Variants in ULK4 observed in about 807,000 individuals in gnomAD.
The protein encoded by ULK4 is inactive serine/threonine-protein kinase ULK4.
ULK4 carries 133 observed loss-of-function variants against 160.6 expected under a neutral mutation model. The ratio of observed to expected loss-of-function variants is 0.83; its 90% confidence interval spans 0.72 to 0.96. The LOEUF (loss-of-function observed/expected upper bound fraction) is 0.96, where lower values mean the gene tolerates loss of function less well. Ranked by LOEUF, ULK4 falls within the 40% of genes least tolerant of loss-of-function variation. The pLI is 0.00. For missense variants in ULK4, 1,580 were observed against 1,499.5 expected, an observed-to-expected ratio of 1.05 and a Z score of -0.89; for synonymous variants, 534 against 539.8, an observed-to-expected ratio of 0.99 and a Z score of 0.15.
intron 2 of ULK4, among the ~76,000 whole-genome samples, chr3:41,952,981 T>C (rs56983571): frequency 0.12 from 18,998 of 152,010 alleles, 1,372 homozygotes; most frequent in Middle Eastern, 0.27. Context: ...ATACCATTTA[T>C]ATAGAGTAGT....
intron 32 of ULK4, among the ~76,000 whole-genome samples, chr3:41,562,562 A>G (rs1271087985): frequency 1.3e-5 from 2 of 152,170 alleles, no homozygotes; most frequent in Admixed American, 1.3e-4. Flanking sequence ...AGGTGCATAT[A>G]TATTTAGGAT....
At chr3:41,700,022 A>C (rs9850380) in intron 27 of ULK4, among the ~76,000 whole-genome samples, 1 of 151,852 alleles carries the variant, frequency 6.6e-6, no homozygotes, top group South Asian at 2.1e-4. Context: ...ACAAGTAACG[A>C]CCCAGCAAGT....
chr3:41,463,248 C>A lies in ULK4; in HGVS notation c.3232G>T (p.Val1078Phe), dbSNP rs1023566446. The A allele has an allele frequency of 1.9e-6, 3 of 1,612,010 alleles. No individual in the cohort carries two copies. Among genetic ancestry groups the A allele is most frequent in the Non-Finnish European group, 2.5e-6 (3 of 1,178,664 alleles). ...GTGAGCAGGTTACAGATGTGACTGA[C>A]AAGTCCTGAGGGTAAAAAAGGAAAA... The part of the protein sequence containing the change: ...NMELLYEQGL[V>F]SHICNLLTET... The change falls in exon 33 of 37, where the codon GTC (valine) becomes TTC (phenylalanine). Residue 1078 changes from valine to phenylalanine, a missense_variant. Physicochemically the swap from Val to Phe is conservative, Grantham distance 50. Transcript: ENST00000301831.
intron 34 of ULK4, among the ~76,000 whole-genome samples, chr3:41,451,719 G>A (rs1422784294): frequency 1.3e-5 from 2 of 152,054 alleles, no homozygotes; most frequent in East Asian, 3.9e-4. Context: ...ATGAATTTCA[G>A]GAACTATTGG....
chr3:41,937,852 C>A, intron 3 of ULK4: 1 of 288,536 alleles, frequency 3.5e-6, no homozygotes, highest in Non-Finnish European at 6.3e-6. Flanking sequence ...AATTAATCAT[C>A]ACTTTAAAAC....
chr3:41,304,172 C>G (rs1321419208), intron 35 of ULK4, among the ~76,000 whole-genome samples: 1 of 149,784 alleles, frequency 6.7e-6, no homozygotes, highest in African/African-American at 2.5e-5. Context: ...ACTTGAGACA[C>G]TGAGGCAGGA....
intron 30 of ULK4, among the ~76,000 whole-genome samples, chr3:41,663,250 A>G (rs2035244235): frequency 6.6e-6 from 1 of 152,124 alleles, no homozygotes; most frequent in African/African-American, 2.4e-5. Context: ...TGTCAACTAC[A>G]TAAAATGGTA....
chr3:41,690,417 T>C (rs1447927259), intron 27 of ULK4, among the ~76,000 whole-genome samples: 2 of 151,298 alleles, frequency 1.3e-5, no homozygotes, highest in African/African-American at 4.8e-5. Flanking sequence ...ATTGTGCACA[T>C]GTACCCTAAA....
intron 30 of ULK4, among the ~76,000 whole-genome samples, chr3:41,658,222 C>T (rs539047261): frequency 6.6e-6 from 1 of 152,288 alleles, no homozygotes; most frequent in East Asian, 1.9e-4. Context: ...TTGGCAACAT[C>T]TCTCAAAATT....
chr3:41,804,760 T>G (rs2040587266), intron 19 of ULK4, among the ~76,000 whole-genome samples: 1 of 152,218 alleles, frequency 6.6e-6, no homozygotes, highest in Non-Finnish European at 1.5e-5. Flanking sequence ...CATTGCTTGT[T>G]TTTGTCAGGT....
chr3:41,667,508 C>T (rs1046635220), intron 29 of ULK4, among the ~76,000 whole-genome samples: 1 of 152,180 alleles, frequency 6.6e-6, no homozygotes, highest in Non-Finnish European at 1.5e-5. Flanking sequence ...GTCCTGCACT[C>T]CTTTGAATGC....
chr3:41,500,477 G>T (rs1424057909), intron 32 of ULK4, among the ~76,000 whole-genome samples: 5 of 152,110 alleles, frequency 3.3e-5, no homozygotes, highest in Admixed American at 2.6e-4. Context: ...GAGGGGTATT[G>T]AGGGCAAGGA....
At chr3:41,613,977 AG>A (rs1364908074) in intron 31 of ULK4, among the ~76,000 whole-genome samples, 3 of 152,236 alleles carry the variant, frequency 2.0e-5, no homozygotes, top group Non-Finnish European at 4.4e-5. Flanking sequence ...CACAATGACA[AG>A]GGTTCAAATT....
chr3:41,351,268 T>C (rs1029550180), intron 35 of ULK4, among the ~76,000 whole-genome samples: 4 of 152,186 alleles, frequency 2.6e-5, no homozygotes, highest in African/African-American at 4.8e-5. Flanking sequence ...GAGGGAAATA[T>C]GACTTCTGTG....
intron 2 of ULK4, among the ~76,000 whole-genome samples, chr3:41,950,920 A>G (rs6599193): frequency 0.92 from 139,568 of 151,360 alleles, 65,344 homozygotes; most frequent in East Asian, 1. Flanking sequence ...CGAAGCGGGC[A>G]GATCACGAGG....
At chr3:41,948,190 C>T (rs1205495863) in intron 2 of ULK4, among the ~76,000 whole-genome samples, 2 of 152,110 alleles carry the variant, frequency 1.3e-5, no homozygotes, top group African/African-American at 4.8e-5. Flanking sequence ...GTGGCTCATA[C>T]CTGTAATCCC....
intron 2 of ULK4, among the ~76,000 whole-genome samples, chr3:41,940,667 A>G (rs989183685): frequency 1.3e-5 from 2 of 152,168 alleles, no homozygotes; most frequent in Non-Finnish European, 2.9e-5. Context: ...CAAAAAAAAT[A>G]AAAATAGAAA....
intron 16 of ULK4, among the ~76,000 whole-genome samples, chr3:41,886,574 ATTTT>A (rs1280152000): frequency 6.9e-6 from 1 of 145,284 alleles, no homozygotes; most frequent in Non-Finnish European, 1.5e-5. Context: ...TAAAATGTGA[ATTTT>A]TTTTTTTTTT....
At chr3:41,915,108 T>C (rs565526413) in intron 8 of ULK4, among the ~76,000 whole-genome samples, 4 of 152,176 alleles carry the variant, frequency 2.6e-5, no homozygotes, top group Non-Finnish European at 4.4e-5. Flanking sequence ...GTTATAAATG[T>C]AGGGATATGT....
Sources: gnomAD v4.1 joint callset for allele counts (sites outside exome capture counted in the v4.1 genomes callset) on GRCh38, gnomAD v4.1.1 for gene constraint, MANE v1.5 for transcripts, NCBI Gene and HGNC (gene_info 2026-07-23, HGNC 2026-07-21) for gene names.